ATP2B1: variants seen among roughly 807,000 people sequenced by gnomAD.
The protein encoded by ATP2B1 is ATPase plasma membrane Ca2+ transporting 1, also known as plasma membrane calcium-transporting ATPase 1.
In ATP2B1, 14 loss-of-function variants were observed where a neutral mutation model predicts 124.2. The observed-to-expected ratio is 0.11, with a 90% CI of 0.07 to 0.18. The LOEUF is 0.18. Ranked by LOEUF, ATP2B1 falls within the 10% of genes least tolerant of loss-of-function variation. ATP2B1 has a pLI of 1.00. For missense variants in ATP2B1, 763 were observed against 1,466.1 expected (o/e 0.52, Z 7.83); for synonymous variants, 449 against 492.4 (o/e 0.91, Z 1.17).
rs765013158 is a variant in ATP2B1, at chr12:89,635,033, C to G, written c.625G>C (p.Asp209His). The G allele has an allele frequency of 6.8e-6, 11 of 1,613,850 alleles. No individual in the cohort carries two copies. Among genetic ancestry groups the G allele is most frequent in the Non-Finnish European group, 8.5e-6 (10 of 1,179,896 alleles). The change falls in exon 4 of 21, where the codon GAC (aspartate) becomes CAC (histidine). Residue 209 changes from aspartate (D) to histidine (H), a missense_variant. Around this residue, in one of 7 missense-constraint regions of ATP2B1, gnomAD observed 392 missense variants for 776.6 expected, o/e 0.50. Coordinates refer to ENST00000428670, the MANE Select transcript of ATP2B1 (RefSeq NM_001366521.1). ...TGAGCAATATCTCCAACAGTAATGT[C>G]AGCTACAGGTATCTGAATGACCTGA... The part of the protein sequence containing the change: ...GGQVIQIPVA[D>H]ITVGDIAQVK...
At chr12:89,649,481 T>A (rs1234006359) in intron 2 of ATP2B1, among the ~76,000 whole-genome samples, 1 of 152,204 alleles carries the variant, frequency 6.6e-6, no homozygotes, top group East Asian at 1.9e-4. Context: ...TTTTTCCCTT[T>A]TGAAATGGGA....
At chr12:89,681,971 A>G (rs1161789774) in intron 1 of ATP2B1, among the ~76,000 whole-genome samples, 1 of 152,192 alleles carries the variant, frequency 6.6e-6, no homozygotes, top group East Asian at 1.9e-4. Context: ...AATGATCTCT[A>G]CAGATGACAT....
chr12:89,707,204 A>G (rs954953125), intron 1 of ATP2B1, among the ~76,000 whole-genome samples: 1 of 152,206 alleles, frequency 6.6e-6, no homozygotes, highest in Non-Finnish European at 1.5e-5. Flanking sequence ...GAAGGCTGGC[A>G]TCGGGGCAAG....
At chr12:89,683,644 T>C (rs1889625981) in intron 1 of ATP2B1, among the ~76,000 whole-genome samples, 1 of 152,142 alleles carries the variant, frequency 6.6e-6, no homozygotes. Context: ...TTCCAGACAG[T>C]GTAGAGGAGA....
In ATP2B1 at chr12:89,611,334, A is replaced by C; in HGVS notation, c.2106T>G (p.Ile702Met). Residue 702 changes from isoleucine (I) to methionine (M), a missense_variant, in exon 13 of 21, where the codon ATT (isoleucine) becomes ATG (methionine). Physicochemically the swap from Ile to Met is conservative, Grantham distance 10 (BLOSUM62 1). Transcript: ENST00000428670. ...TATCACCAGTGACCATCCGCACAGT[A>C]ATTCCAGCCCTCTGACACTTTTTAA... ...DAIKKCQRAG[I>M]TVRMVTGDNI... is the part of the protein sequence containing the mutation. 6.4e-7 allele frequency: 1 copy of C among 1,570,246 alleles called. No individual in the cohort carries two copies. The highest frequency in any genetic ancestry group is 8.6e-7 in the Non-Finnish European group (1 of 1,160,618).
chr12:89,629,671 C>CA (rs1881537734), intron 6 of ATP2B1, among the ~76,000 whole-genome samples: 2 of 152,166 alleles, frequency 1.3e-5, no homozygotes, highest in South Asian at 2.1e-4. Flanking sequence ...TAGAATGTTT[C>CA]AAAATATTCA....
At chr12:89,663,566 T>C (rs966748857) in intron 1 of ATP2B1, among the ~76,000 whole-genome samples, 11 of 152,118 alleles carry the variant, frequency 7.2e-5, no homozygotes, top group African/African-American at 1.2e-4. Context: ...GTAAATACCA[T>C]TTGGTAAAAA....
At chr12:89,681,448 T>C (rs925623189) in intron 1 of ATP2B1, among the ~76,000 whole-genome samples, 19 of 151,432 alleles carry the variant, frequency 1.3e-4, no homozygotes, top group African/African-American at 3.4e-4. Flanking sequence ...TGGCGTGATC[T>C]TGGCTCACTG....
chr12:89,707,563 T>A (rs746283611), intron 1 of ATP2B1, among the ~76,000 whole-genome samples: 2 of 152,112 alleles, frequency 1.3e-5, no homozygotes, highest in Non-Finnish European at 2.9e-5. Flanking sequence ...AAGCGAAAGG[T>A]GGCTGTCTGC....
rs139799764 is a variant in ATP2B1, at chr12:89,696,448, T to A, written c.-222+12148A>T. Among the ~76,000 whole-genome samples the A allele has an allele frequency of 1.1e-4, 16 of 152,218 alleles. No individual in the cohort carries two copies. In the East Asian group the frequency reaches 3.1e-3, roughly 29 times the overall value. On this transcript the variant is annotated intron_variant, in intron 1 of 20. Coordinates refer to ENST00000428670, the MANE Select transcript of ATP2B1 (RefSeq NM_001366521.1). ...ACATCCAATAACAAGGGACTAGCCA[T>A]AGGATACAACATTATTAAAATGTTG...
intron 1 of ATP2B1, among the ~76,000 whole-genome samples, chr12:89,691,955 TCA>T (rs1284138179): frequency 1.1e-4 from 17 of 152,040 alleles, no homozygotes; most frequent in Admixed American, 9.2e-4. Context: ...ACTCAGAAAA[TCA>T]CAGAATTTTC....
In ATP2B1 at chr12:89,613,263, G is replaced by A. The variant is rs141895749; in HGVS notation, c.2068-1891C>T. Among the ~76,000 whole-genome samples the A allele has an allele frequency of 2.6e-5, 4 of 152,266 alleles. No individual in the cohort carries two copies. In the East Asian group the frequency reaches 7.7e-4, roughly 29 times the overall value. On this transcript the variant is annotated intron_variant, in intron 12 of 20. Coordinates refer to ENST00000428670, the MANE Select transcript of ATP2B1 (RefSeq NM_001366521.1). ...CCCAAAGTAATGGGATTATAGGTGTGAGCCACCATGCCCGGCCCAGGGTAC... is the reference window on the plus strand; with the variant it reads ...CCCAAAGTAATGGGATTATAGGTGTAAGCCACCATGCCCGGCCCAGGGTAC...
At position 89,588,299 on chromosome 12, in the gene ATP2B1, A is replaced by G. The variant is rs540947852; in HGVS notation, c.*2685T>C. 11 of 152,756 alleles carry G rather than the reference A, an allele frequency of 7.2e-5. No individual in the cohort carries two copies. Among genetic ancestry groups the G allele is most frequent in the Middle Eastern group, 3.4e-3 (1 of 294 alleles). 9.5% of individuals were successfully genotyped at this position (152,756 alleles called of 1,614,324 possible). On this transcript the variant is annotated 3_prime_UTR_variant, in exon 21 of 21. Coordinates refer to ENST00000428670, the MANE Select transcript of ATP2B1 (RefSeq NM_001366521.1). ...TCTTGGTTCAAAACTGACATCTGTT[A>G]TGAAAATTACCATATCACATATTTG...
At chr12:89,637,487 C>A (rs1000008928) in intron 3 of ATP2B1, among the ~76,000 whole-genome samples, 1 of 151,634 alleles carries the variant, frequency 6.6e-6, no homozygotes, top group Non-Finnish European at 1.5e-5. Flanking sequence ...ATGTGGCTCA[C>A]TGCATGCTCA....
At chr12:89,640,549 A>AAGAG (rs1206404598) in intron 3 of ATP2B1, among the ~76,000 whole-genome samples, 1 of 152,220 alleles carries the variant, frequency 6.6e-6, no homozygotes, top group Admixed American at 6.5e-5. Flanking sequence ...AATTTCTTTA[A>AAGAG]AGAGAAAGAA....
At chr12:89,669,725 A>G (rs887802609) in intron 1 of ATP2B1, among the ~76,000 whole-genome samples, 1 of 152,232 alleles carries the variant, frequency 6.6e-6, no homozygotes, top group Non-Finnish European at 1.5e-5. Context: ...GATAATTAAT[A>G]GTAATATTTT....
intron 12 of ATP2B1, 109 bp downstream of exon 12, chr12:89,616,693 A>T (rs564911125): frequency 7.3e-6 from 8 of 1,090,262 alleles, no homozygotes; most frequent in Non-Finnish European, 9.2e-6. Flanking sequence ...ACAGAAAAAA[A>T]AAAAATCACA....
intron 1 of ATP2B1, among the ~76,000 whole-genome samples, chr12:89,679,692 A>G (rs1202783525): frequency 1.3e-5 from 2 of 152,178 alleles, no homozygotes; most frequent in African/African-American, 4.8e-5. Flanking sequence ...ATCGTAGGAG[A>G]GGGGAGGCTT....
At chr12:89,707,769 T>C (rs1452528282) in intron 1 of ATP2B1, among the ~76,000 whole-genome samples, 1 of 152,002 alleles carries the variant, frequency 6.6e-6, no homozygotes, top group Non-Finnish European at 1.5e-5. Flanking sequence ...GAGACCAACC[T>C]GGCTGGTGAC....
Sources: gnomAD v4.1 joint callset for allele counts (sites outside exome capture counted in the v4.1 genomes callset) on GRCh38, gnomAD v4.1.1 for gene constraint, gnomAD v4.1.1 regional missense constraint, MANE v1.5 for transcripts, NCBI Gene and HGNC (gene_info 2026-07-23, HGNC 2026-07-21) for gene names.